The following NOVA1 variants were observed in gnomAD, a reference collection of about 807,000 sequenced individuals.
NOVA1 encodes the protein RNA-binding protein Nova-1.
A neutral mutation model predicts 38.0 loss-of-function variants in NOVA1; 7 were observed. That is an observed-to-expected ratio of 0.18 (90% CI 0.10 to 0.35). The LOEUF is 0.35. Ranked by LOEUF, NOVA1 falls within the 10% of genes least tolerant of loss-of-function variation. The pLI is 1.00. For missense variants in NOVA1, 460 were observed against 616.0 expected (o/e 0.75, Z 2.68); for synonymous variants, 270 against 232.5 (o/e 1.16, Z -1.47).
intron 4 of NOVA1, among the ~76,000 whole-genome samples, chr14:26,465,800 G>A (rs1410288760): frequency 6.6e-6 from 1 of 152,108 alleles, no homozygotes; most frequent in Non-Finnish European, 1.5e-5. Flanking sequence ...CTCCAGGCTA[G>A]TGCTTCACAT....
At chr14:26,476,156 A>T (rs185988139) in intron 3 of NOVA1, among the ~76,000 whole-genome samples, 2 of 152,252 alleles carry the variant, frequency 1.3e-5, no homozygotes, top group African/African-American at 4.8e-5. Flanking sequence ...TTAGTTTTTA[A>T]TTTCTGACAA....
chr14:26,496,084 A>G (rs1330050352), intron 2 of NOVA1, among the ~76,000 whole-genome samples: 1 of 145,882 alleles, frequency 6.9e-6, no homozygotes, highest in African/African-American at 2.5e-5. Context: ...TGACTTCCAC[A>G]ATGGTTGAAC....
chr14:26,516,958 T>C (rs1413106687), intron 2 of NOVA1, among the ~76,000 whole-genome samples: 1 of 142,590 alleles, frequency 7.0e-6, no homozygotes, highest in Non-Finnish European at 1.5e-5. Flanking sequence ...CAGGCTAAAG[T>C]GCAGTGGCAC....
chr14:26,503,746 T>C (rs957026906), intron 2 of NOVA1, among the ~76,000 whole-genome samples: 22 of 152,184 alleles, frequency 1.4e-4, no homozygotes, highest in African/African-American at 5.3e-4. Flanking sequence ...GGGTTCAACA[T>C]CCAGAGGTTA....
chr14:26,465,401 C>T (rs939580135), intron 4 of NOVA1, among the ~76,000 whole-genome samples: 2 of 152,150 alleles, frequency 1.3e-5, no homozygotes, highest in Non-Finnish European at 2.9e-5. Context: ...GAACTCCTGA[C>T]TTCAAGTGAT....
chr14:26,561,145 C>T (rs777464815), intron 2 of NOVA1, among the ~76,000 whole-genome samples: 2 of 152,218 alleles, frequency 1.3e-5, no homozygotes, highest in Middle Eastern at 3.4e-3. Context: ...TGACAGGAGG[C>T]GGAGCTCAGG....
In NOVA1 at chr14:26,477,008, C is replaced by T. The variant is rs141529047; in HGVS notation, c.447+2969G>A. ...GGGATTACAGGCGTGAGCCACAGTG[C>T]CTGGCCACGCCTCTGAATTTTTATA... On this transcript the variant is annotated intron_variant, in intron 3 of 4. Coordinates refer to ENST00000539517, the MANE Select transcript of NOVA1 (RefSeq NM_002515.3). 2.7e-3 allele frequency among the ~76,000 whole-genome samples: 394 copies of T among 148,274 alleles called. 14 individuals carry two copies. The highest frequency in any genetic ancestry group is 0.01 in the African/African-American group (380 of 37,960).
intron 2 of NOVA1, among the ~76,000 whole-genome samples, chr14:26,551,827 A>G (rs1891178631): frequency 1.3e-5 from 2 of 152,030 alleles, no homozygotes; most frequent in South Asian, 2.1e-4. Context: ...ATTTTTCTGT[A>G]GATATAAAGA....
chr14:26,469,571 C>T (rs907340136), intron 4 of NOVA1, among the ~76,000 whole-genome samples: 6 of 152,120 alleles, frequency 3.9e-5, no homozygotes, highest in Non-Finnish European at 8.8e-5. Context: ...TTATGTCAAT[C>T]CTATGAGGCA....
At chr14:26,526,101 T>A (rs1889278425) in intron 2 of NOVA1, among the ~76,000 whole-genome samples, 1 of 152,140 alleles carries the variant, frequency 6.6e-6, no homozygotes, top group Admixed American at 6.5e-5. Context: ...TGCTAATTTA[T>A]AATGTACTCA....
intron 2 of NOVA1, among the ~76,000 whole-genome samples, chr14:26,507,684 A>T (rs1459705317): frequency 1.3e-5 from 2 of 152,166 alleles, no homozygotes; most frequent in African/African-American, 4.8e-5. Flanking sequence ...CATGCAACAG[A>T]CTGAGCAAGA....
intron 4 of NOVA1, among the ~76,000 whole-genome samples, chr14:26,465,961 A>T (rs935903766): frequency 4.6e-5 from 7 of 152,078 alleles, no homozygotes; most frequent in African/African-American, 1.7e-4. Context: ...CAGCACGATA[A>T]AGGGAATCAG....
chr14:26,511,353 T>G (rs951555076), intron 2 of NOVA1, among the ~76,000 whole-genome samples: 2 of 152,246 alleles, frequency 1.3e-5, no homozygotes, highest in East Asian at 1.9e-4. Flanking sequence ...ATTTTTCATA[T>G]TAACCTAAAA....
intron 4 of NOVA1, among the ~76,000 whole-genome samples, chr14:26,456,887 T>A (rs1883225361): frequency 6.6e-6 from 1 of 151,824 alleles, no homozygotes; most frequent in Non-Finnish European, 1.5e-5. Context: ...GGCACTACAC[T>A]ATATGAAATT....
chr14:26,596,286 T>C (rs745657089), intron 1 of NOVA1, among the ~76,000 whole-genome samples: 5 of 152,214 alleles, frequency 3.3e-5, no homozygotes, highest in Non-Finnish European at 5.9e-5. Context: ...GAGTCATTTA[T>C]ATTAAATAGG....
intron 2 of NOVA1, among the ~76,000 whole-genome samples, chr14:26,571,338 T>C (rs941827891): frequency 1.1e-4 from 17 of 152,158 alleles, no homozygotes; most frequent in Non-Finnish European, 1.8e-4. Context: ...GCATGATTCC[T>C]ATATACTGAG....
chr14:26,494,241 T>C (rs973669035), intron 2 of NOVA1, among the ~76,000 whole-genome samples: 3 of 152,206 alleles, frequency 2.0e-5, no homozygotes, highest in Non-Finnish European at 4.4e-5. Flanking sequence ...CTTTGTCTCT[T>C]AGGCAAAATT....
chr14:26,470,570 G>T lies in NOVA1; in HGVS notation c.519+1750C>A. 2.9e-6 allele frequency: 3 copies of T among 1,016,998 alleles called. No individual in the cohort carries two copies. The South Asian group carries it at 4.4e-5, about 15-fold the overall frequency. 63.0% of individuals were successfully genotyped at this position (1,016,998 alleles called of 1,614,324 possible). ...GTGGACAGAATATAAAATTACAAAT[G>T]ACTTATTATTTCAAAATAGCAAAAT... On this transcript the variant is annotated intron_variant, in intron 4 of 4. Transcript: ENST00000539517.
intron 2 of NOVA1, among the ~76,000 whole-genome samples, chr14:26,585,810 C>CAT (rs3054143): frequency 1.3e-5 from 2 of 151,114 alleles, no homozygotes; most frequent in African/African-American, 2.4e-5. Context: ...GCAAAATTCC[C>CAT]GTCATACTCC....
Sources: allele counts gnomAD v4.1 joint callset (sites outside exome capture counted in the v4.1 genomes callset), GRCh38; gene constraint gnomAD v4.1.1; transcripts MANE v1.5; gene names NCBI Gene and HGNC (gene_info 2026-07-23, HGNC 2026-07-21).